The following GRIN2B variants were observed in gnomAD, a reference collection of about 807,000 sequenced individuals.
GRIN2B encodes the protein glutamate receptor ionotropic, NMDA 2B.
Under a neutral mutation model 114.5 loss-of-function variants are expected in GRIN2B, and 5 were observed. The observed-to-expected ratio is 0.04, with a 90% CI of 0.02 to 0.09. GRIN2B has a LOEUF of 0.09. GRIN2B is among the 10% of genes least tolerant of loss of function. GRIN2B has a pLI of 1.00. For missense variants in GRIN2B, 1,108 were observed against 1,943.5 expected, an observed-to-expected ratio of 0.57 and a Z score of 8.08; for synonymous variants, 787 against 745.1, an observed-to-expected ratio of 1.06 and a Z score of -0.92.
chr12:13,866,038 A>T lies in GRIN2B; in HGVS notation c.171T>A (p.Asp57Glu). The T allele has an allele frequency of 6.2e-7, 1 of 1,614,050 alleles. No individual in the cohort carries two copies. The change falls in exon 3 of 14, where the codon GAT (aspartate) becomes GAA (glutamate). Residue 57 changes from aspartate to glutamate, a missense_variant. Physicochemically the swap from Asp to Glu is conservative, Grantham distance 45. Around this residue, in one of 19 missense-constraint regions of GRIN2B, gnomAD observed 199 missense variants for 439.6 expected, o/e 0.45. Transcript: ENST00000609686. ...GTACCACGGAGAGATGGTGGAAATC[A>T]TCTTTCTCGTGGGCATCCTTGATGG... Reference protein sequence around the residue: ...EVAIKDAHEKDDFHHLSVVPR... With the variant: ...EVAIKDAHEKEDFHHLSVVPR...
At chr12:13,701,454 C>A (rs1355281296) in intron 4 of GRIN2B, among the ~76,000 whole-genome samples, 1 of 146,718 alleles carries the variant, frequency 6.8e-6, no homozygotes, top group Non-Finnish European at 1.5e-5. Context: ...TCAAAAAATT[C>A]ATTTAACTAA....
chr12:13,917,711 G>A (rs566992531), intron 2 of GRIN2B, among the ~76,000 whole-genome samples: 76 of 152,254 alleles, frequency 5.0e-4, no homozygotes, highest in African/African-American at 1.7e-3. Context: ...CACAGAAAAC[G>A]ATATAATATC....
At chr12:13,565,503 C>T (rs974163776) in intron 13 of GRIN2B, among the ~76,000 whole-genome samples, 1 of 152,114 alleles carries the variant, frequency 6.6e-6, no homozygotes, top group Admixed American at 6.6e-5. Flanking sequence ...GCTCTTTGTA[C>T]AGGGCTTTGA....
At chr12:13,758,571 C>T (rs996241425) in intron 3 of GRIN2B, among the ~76,000 whole-genome samples, 1 of 152,122 alleles carries the variant, frequency 6.6e-6, no homozygotes, top group African/African-American at 2.4e-5. Context: ...GAATGGGTCT[C>T]CTAAGGTAGT....
At chr12:13,805,499 A>G (rs1229043424) in intron 3 of GRIN2B, among the ~76,000 whole-genome samples, 3 of 152,188 alleles carry the variant, frequency 2.0e-5, no homozygotes, top group Non-Finnish European at 2.9e-5. Flanking sequence ...TTAAATCCCC[A>G]TGGGGAGGTG....
At position 13,587,618 on chromosome 12, in the gene GRIN2B, G is replaced by A. The variant is rs566570922; in HGVS notation, c.2011-15654C>T. Reference sequence around the variant, plus strand: ...GATCTTCTCACCTCAACCTCCCAAAGTGCTGGGATTATAGGCATGAGCCAC... The same window carrying A: ...GATCTTCTCACCTCAACCTCCCAAAATGCTGGGATTATAGGCATGAGCCAC... On this transcript the variant is annotated intron_variant, in intron 10 of 13. Coordinates refer to ENST00000609686, the MANE Select transcript of GRIN2B (RefSeq NM_000834.5). Among the ~76,000 whole-genome samples the A allele has an allele frequency of 2.6e-5, 4 of 152,228 alleles. No individual in the cohort carries two copies. The East Asian group carries it at 7.7e-4, about 29-fold the overall frequency.
chr12:13,655,812 C>T (rs1303435561), intron 5 of GRIN2B, among the ~76,000 whole-genome samples: 1 of 152,170 alleles, frequency 6.6e-6, no homozygotes, highest in African/African-American at 2.4e-5. Context: ...ATAGTGTTAG[C>T]TATTACTAAC....
At chr12:13,669,106 C>A (rs1360874808) in intron 5 of GRIN2B, among the ~76,000 whole-genome samples, 1 of 151,880 alleles carries the variant, frequency 6.6e-6, no homozygotes, top group African/African-American at 2.4e-5. Context: ...GAGACAAGGA[C>A]ATATACAATT....
At chr12:13,798,714 C>A (rs986294749) in intron 3 of GRIN2B, among the ~76,000 whole-genome samples, 1 of 152,160 alleles carries the variant, frequency 6.6e-6, no homozygotes, top group South Asian at 2.1e-4. Context: ...AATTTAAATT[C>A]TTTTTCATTA....
intron 3 of GRIN2B, among the ~76,000 whole-genome samples, chr12:13,852,692 GA>G (rs56860420): frequency 0.032 from 3,061 of 95,838 alleles, 70 homozygotes; most frequent in African/African-American, 0.088. Flanking sequence ...GAGAGATGAG[GA>G]AAAAAAAAAA....
At position 13,546,408 on chromosome 12, in the gene GRIN2B, C is replaced by T. The variant is rs143451597; in HGVS notation, c.*16375G>A. On this transcript the variant is annotated 3_prime_UTR_variant, in exon 14 of 14. Transcript: ENST00000609686. Reference sequence around the variant, plus strand: ...TTCTGAGCCATCAATGGCAGCACAGCCTCTCCTTCTGCCAGAGCTCACAGG... The same window carrying T: ...TTCTGAGCCATCAATGGCAGCACAGTCTCTCCTTCTGCCAGAGCTCACAGG... 1.3e-5 allele frequency: 2 copies of T among 152,362 alleles called. No individual in the cohort carries two copies. The highest frequency in any genetic ancestry group is 3.9e-4 in the East Asian group (2 of 5,194). 9.4% of individuals were successfully genotyped at this position (152,362 alleles called of 1,614,324 possible). A position where few individuals can be genotyped will look rare whatever the true frequency, so the allele number is the denominator to read the frequency against.
Position 13,680,200 on chromosome 12 carries a change from A to G in GRIN2B, c.1011-4341T>C, listed in dbSNP as rs56894350. ...TTTCCATAAGACCTGAAAATATCCA[A>G]CTACCCTTGGATCTGGCTGTACTTT... On this transcript the variant is annotated intron_variant, in intron 4 of 13. Coordinates refer to ENST00000609686, the MANE Select transcript of GRIN2B (RefSeq NM_000834.5). Among the ~76,000 whole-genome samples the G allele has an allele frequency of 2.0e-4, 30 of 152,268 alleles. 1 individual carries two copies. In the East Asian group the frequency reaches 5.6e-3, roughly 28 times the overall value.
chr12:13,736,156 G>A (rs367596883), intron 4 of GRIN2B, among the ~76,000 whole-genome samples: 5 of 148,470 alleles, frequency 3.4e-5, no homozygotes, highest in South Asian at 2.2e-4. Context: ...GGGGGTTGGC[G>A]GGAATAAACA....
intron 4 of GRIN2B, among the ~76,000 whole-genome samples, chr12:13,738,726 C>T (rs544165050): frequency 1.3e-5 from 2 of 151,524 alleles, no homozygotes; most frequent in Non-Finnish European, 2.9e-5. Flanking sequence ...ATTCTGATAA[C>T]CGAGGTAAAA....
chr12:13,637,109 A>G (rs1949672950), intron 5 of GRIN2B, among the ~76,000 whole-genome samples: 1 of 152,128 alleles, frequency 6.6e-6, no homozygotes, highest in Non-Finnish European at 1.5e-5. Flanking sequence ...AACTGATGAT[A>G]CAAATTTGAG....
chr12:13,832,510 C>T (rs536360653), intron 3 of GRIN2B, among the ~76,000 whole-genome samples: 1 of 152,324 alleles, frequency 6.6e-6, no homozygotes, highest in African/African-American at 2.4e-5. Flanking sequence ...ATTTGCCACC[C>T]TATTCTCAGT....
At chr12:13,649,637 G>A (rs1224381556) in intron 5 of GRIN2B, among the ~76,000 whole-genome samples, 2 of 151,872 alleles carry the variant, frequency 1.3e-5, no homozygotes. Flanking sequence ...ATGGGGTTAG[G>A]GTCCATTGAA....
At chr12:13,637,087 T>C (rs907556177) in intron 5 of GRIN2B, among the ~76,000 whole-genome samples, 2 of 151,978 alleles carry the variant, frequency 1.3e-5, no homozygotes, top group Non-Finnish European at 2.9e-5. Flanking sequence ...GGCATAAGAG[T>C]CTGGGCTTCA....
intron 4 of GRIN2B, among the ~76,000 whole-genome samples, chr12:13,679,049 G>A (rs1012549087): frequency 2.6e-5 from 4 of 151,742 alleles, no homozygotes; most frequent in Non-Finnish European, 4.4e-5. Flanking sequence ...GAAAGAAAGA[G>A]AGGAAAAGGA....
Sources: allele counts gnomAD v4.1 joint callset (sites outside exome capture counted in the v4.1 genomes callset), GRCh38; gene constraint gnomAD v4.1.1; regional missense constraint gnomAD v4.1.1; transcripts MANE v1.5; gene names NCBI Gene and HGNC (gene_info 2026-07-23, HGNC 2026-07-21).